Variants in COX16 observed in about 807,000 individuals in gnomAD.
COX16 encodes the protein cytochrome c oxidase assembly protein COX16 homolog, mitochondrial.
COX16 carries 12 observed loss-of-function variants against 15.4 expected under a neutral mutation model. That is an observed-to-expected ratio of 0.78 (90% confidence interval 0.50 to 1.26). COX16 has a LOEUF of 1.26. COX16 is among the 50% of genes most tolerant of loss of function. COX16 has a pLI of 0.00. For synonymous variants in COX16, 46 were observed against 41.1 expected, an observed-to-expected ratio of 1.12 and a Z score of -0.46; for missense variants, 124 against 127.6, an observed-to-expected ratio of 0.97 and a Z score of 0.14.
intron 1 of COX16, among the ~76,000 whole-genome samples, chr14:70,347,878 T>G (rs1271829961): frequency 1.3e-5 from 2 of 152,132 alleles, no homozygotes; most frequent in Non-Finnish European, 1.5e-5. Context: ...GTTCCCTCCT[T>G]TGCTCTACTT....
intron 3 of COX16, among the ~76,000 whole-genome samples, chr14:70,327,479 A>G (rs1451057420): frequency 6.6e-6 from 1 of 150,850 alleles, no homozygotes. Flanking sequence ...AGCAAGTTAC[A>G]GGATTTTTTT....
intron 2 of COX16, among the ~76,000 whole-genome samples, chr14:70,337,464 C>CT (rs1197919337): frequency 6.6e-6 from 1 of 151,982 alleles, no homozygotes; most frequent in African/African-American, 2.4e-5. Context: ...AGCCCTCAAT[C>CT]TATCTGCATT....
chr14:70,330,856 AAAG>A (rs1273798326), intron 2 of COX16, among the ~76,000 whole-genome samples: 16 of 152,234 alleles, frequency 1.1e-4, no homozygotes, highest in Non-Finnish European at 1.5e-5. Flanking sequence ...ACATACAAAA[AAAG>A]AAAAAAATCA....
At chr14:70,336,680 T>G (rs939589355) in intron 2 of COX16, among the ~76,000 whole-genome samples, 3 of 152,208 alleles carry the variant, frequency 2.0e-5, no homozygotes, top group Non-Finnish European at 4.4e-5. Flanking sequence ...TATTGAGAGA[T>G]ATATCTGTAC....
chr14:70,348,859 C>A (rs1455563046), intron 1 of COX16, among the ~76,000 whole-genome samples: 1 of 152,200 alleles, frequency 6.6e-6, no homozygotes, highest in African/African-American at 2.4e-5. Context: ...GCAGGGGCCA[C>A]CAAACCCGGG....
intron 2 of COX16, among the ~76,000 whole-genome samples, chr14:70,340,150 C>T (rs530808387): frequency 5.6e-4 from 85 of 152,224 alleles, no homozygotes; most frequent in East Asian, 5.4e-3. Context: ...AAATCATGGA[C>T]GTGGTTTCCC....
In COX16 at chr14:70,342,745, G is replaced by C; in HGVS notation, c.70-16C>G. 2 of 1,609,020 alleles carry C rather than the reference G, an allele frequency of 1.2e-6. No homozygotes were observed. Among genetic ancestry groups the C allele is most frequent in the Non-Finnish European group, 1.7e-6 (2 of 1,178,434 alleles). On this transcript the variant is annotated splice_polypyrimidine_tract_variant and intron_variant, in intron 1 of 3. Transcript: ENST00000389912. The stretch of plus-strand genomic sequence containing the variant: ...CAATCAGCAACTAAAACAAAGAAAG[G>C]AAACATTTAAGCAAAACAGAAGACC...
At chr14:70,331,671 T>C (rs1247559006) in intron 2 of COX16, among the ~76,000 whole-genome samples, 4 of 152,174 alleles carry the variant, frequency 2.6e-5, no homozygotes, top group Admixed American at 6.5e-5. Context: ...TAACAATAAA[T>C]TGCTGGTAAC....
intron 2 of COX16, among the ~76,000 whole-genome samples, chr14:70,331,469 C>T (rs1886288846): frequency 6.6e-6 from 1 of 152,144 alleles, no homozygotes; most frequent in Admixed American, 6.5e-5. Context: ...TCAATAGACA[C>T]ATCACAAAAA....
At chr14:70,337,681 G>T (rs978527874) in intron 2 of COX16, among the ~76,000 whole-genome samples, 10 of 152,012 alleles carry the variant, frequency 6.6e-5, no homozygotes, top group African/African-American at 2.4e-4. Context: ...ACAATAATTT[G>T]TATATGTTCA....
chr14:70,347,048 A>G (rs1886804855), intron 1 of COX16, among the ~76,000 whole-genome samples: 1 of 151,838 alleles, frequency 6.6e-6, no homozygotes, highest in South Asian at 2.1e-4. Flanking sequence ...GAATATTTCC[A>G]CACCTTCAGT....
At position 70,329,739 on chromosome 14, in the gene COX16, A is replaced by C. The variant is rs569490011; in HGVS notation, c.142-503T>G. Among the ~76,000 whole-genome samples, 283 of 150,048 alleles carry C rather than the reference A, an allele frequency of 1.9e-3. No individual in the cohort carries two copies. In the Middle Eastern group the frequency reaches 0.02, roughly 11 times the overall value. On this transcript the variant is annotated intron_variant, in intron 2 of 3. Transcript: ENST00000389912. ...TATCTACCAAAAAAAAAAAAAAAAA[A>C]TCCATAGAGGTAAAAAGGAGCTAAT...
At chr14:70,335,765 T>C (rs1193138338) in intron 2 of COX16, among the ~76,000 whole-genome samples, 1 of 152,184 alleles carries the variant, frequency 6.6e-6, no homozygotes, top group Non-Finnish European at 1.5e-5. Flanking sequence ...ACTATCTGGC[T>C]CTTTACAGGA....
intron 3 of COX16, among the ~76,000 whole-genome samples, chr14:70,328,936 T>G (rs902939700): frequency 1.3e-5 from 2 of 152,084 alleles, no homozygotes; most frequent in Non-Finnish European, 2.9e-5. Flanking sequence ...TCCATTTATA[T>G]TCTCCTAGTA....
chr14:70,334,748 A>G (rs1019899496), intron 2 of COX16, among the ~76,000 whole-genome samples: 3 of 152,246 alleles, frequency 2.0e-5, no homozygotes, highest in Non-Finnish European at 4.4e-5. Context: ...AAAATATACT[A>G]CCAGATAAAA....
At chr14:70,354,517 G>C (rs947686972) in intron 1 of COX16, among the ~76,000 whole-genome samples, 1 of 152,126 alleles carries the variant, frequency 6.6e-6, no homozygotes, top group African/African-American at 2.4e-5. Flanking sequence ...AAAAATTCTG[G>C]ACAGTGAAAC....
chr14:70,347,539 C>G (rs1305218088), intron 1 of COX16, among the ~76,000 whole-genome samples: 5 of 152,140 alleles, frequency 3.3e-5, no homozygotes, highest in African/African-American at 1.2e-4. Context: ...TTTGGACAGG[C>G]CCTTGCTCAT....
chr14:70,352,831 G>A (rs551972700), intron 1 of COX16, among the ~76,000 whole-genome samples: 1 of 150,788 alleles, frequency 6.6e-6, no homozygotes, highest in East Asian at 1.9e-4. Flanking sequence ...GGAATTTCTG[G>A]GTCAGATAAA....
chr14:70,336,263 C>A (rs1298263510), intron 2 of COX16, among the ~76,000 whole-genome samples: 1 of 114,898 alleles, frequency 8.7e-6, no homozygotes, highest in Non-Finnish European at 2.1e-5. Context: ...CTCAAAAAAA[C>A]AAAAAACAAA....
Sources: allele counts gnomAD v4.1 joint callset (sites outside exome capture counted in the v4.1 genomes callset), GRCh38; gene constraint gnomAD v4.1.1; transcripts MANE v1.5; gene names NCBI Gene and HGNC (gene_info 2026-07-23, HGNC 2026-07-21).